MICU1: variants seen among roughly 807,000 people sequenced by gnomAD.
The protein encoded by MICU1 is mitochondrial calcium uptake 1.
MICU1 carries 45 observed loss-of-function variants against 56.8 expected under a neutral mutation model. The observed-to-expected ratio is 0.79, with a 90% CI of 0.62 to 1.02. The LOEUF (loss-of-function observed/expected upper bound fraction) is 1.02, where lower values mean the gene tolerates loss of function less well. Among genes scored for constraint, MICU1 ranks in the 50% least tolerant of loss-of-function variants. The pLI is 0.00. For missense variants in MICU1, 504 were observed against 587.1 expected (o/e 0.86, Z 1.46); for synonymous variants, 186 against 195.1 (o/e 0.95, Z 0.39).
At chr10:72,516,843 A>C (rs563364458) in intron 5 of MICU1, among the ~76,000 whole-genome samples, 5 of 152,258 alleles carry the variant, frequency 3.3e-5, no homozygotes, top group African/African-American at 1.2e-4. Context: ...AAAGGTCTAC[A>C]TTGTTCTTCC....
At chr10:72,508,081 A>C in intron 6 of MICU1, 74 bp downstream of exon 6, 1 of 663,016 alleles carries the variant, frequency 1.5e-6, no homozygotes, top group African/African-American at 1.8e-5. Flanking sequence ...GTCTTGTTTT[A>C]TAAACATATA....
chr10:72,477,667 A>C (rs1386774866), intron 6 of MICU1: 11 of 857,470 alleles, frequency 1.3e-5, no homozygotes, highest in Non-Finnish European at 1.8e-5. Context: ...GAAACACTAC[A>C]TCTTAGTCTT....
chr10:72,551,496 C>G (rs1022578818), intron 3 of MICU1, among the ~76,000 whole-genome samples, 155 bp from the exon 4 acceptor site: 1 of 152,066 alleles, frequency 6.6e-6, no homozygotes, highest in Non-Finnish European at 1.5e-5. Flanking sequence ...TTTAATATTA[C>G]AAATGAATAC....
At chr10:72,581,446 T>A (rs1378978791) in intron 1 of MICU1, among the ~76,000 whole-genome samples, 1 of 152,148 alleles carries the variant, frequency 6.6e-6, no homozygotes, top group East Asian at 1.9e-4. Flanking sequence ...CTGGCCAACA[T>A]GGTGAAACCC....
At chr10:72,527,362 T>TTTTTG (rs763008748) in intron 5 of MICU1, among the ~76,000 whole-genome samples, 1 of 139,034 alleles carries the variant, frequency 7.2e-6, no homozygotes, top group Non-Finnish European at 1.5e-5. Context: ...TTTTCTTTTG[T>TTTTTG]TTTTGTTTTG....
intron 1 of MICU1, among the ~76,000 whole-genome samples, chr10:72,625,088 G>A (rs1277807417): frequency 6.6e-6 from 1 of 151,978 alleles, no homozygotes; most frequent in African/African-American, 2.4e-5. Context: ...ACTTCCCTAC[G>A]TGCCCCAAAG....
At chr10:72,555,037 A>C (rs1840125877) in intron 3 of MICU1, among the ~76,000 whole-genome samples, 1 of 152,172 alleles carries the variant, frequency 6.6e-6, no homozygotes. Context: ...AACATACAAA[A>C]AAACCCAAAA....
chr10:72,460,041 C>A, intron 8 of MICU1, among the ~76,000 whole-genome samples: 1 of 152,138 alleles, frequency 6.6e-6, no homozygotes, highest in East Asian at 1.9e-4. Context: ...CTTTGTTAAT[C>A]CATACTTTAC....
In MICU1 at chr10:72,555,594, C is replaced by T. The variant is rs572246002; in HGVS notation, c.331-4253G>A. Among the ~76,000 whole-genome samples, 4 of 152,292 alleles carry T rather than the reference C, an allele frequency of 2.6e-5. No homozygotes were observed. In the East Asian group the frequency reaches 7.7e-4, roughly 29 times the overall value. On this transcript the variant is annotated intron_variant, in intron 3 of 11. Coordinates refer to ENST00000361114, the MANE Select transcript of MICU1 (RefSeq NM_001195518.2). ...ACTCAAACAATGCTTTAAAACTACT[C>T]CTGGGCTTGCTCTTTGAATGACACC...
At chr10:72,417,115 G>A (rs1160893185) in intron 9 of MICU1, among the ~76,000 whole-genome samples, 1 of 152,132 alleles carries the variant, frequency 6.6e-6, no homozygotes, top group Non-Finnish European at 1.5e-5. Flanking sequence ...AGAGTTCTTT[G>A]CATACATATT....
chr10:72,519,579 A>G (rs1867756233), intron 5 of MICU1, among the ~76,000 whole-genome samples: 1 of 152,200 alleles, frequency 6.6e-6, no homozygotes, highest in East Asian at 1.9e-4. Context: ...TTTCTGACCA[A>G]TCACATAAAC....
chr10:72,388,057 A>C (rs1380255557), intron 10 of MICU1, among the ~76,000 whole-genome samples: 1 of 152,198 alleles, frequency 6.6e-6, no homozygotes, highest in Non-Finnish European at 1.5e-5. Context: ...AATTTGTTCA[A>C]GGTCACAAAA....
chr10:72,470,120 T>C (rs1865906647), intron 8 of MICU1, among the ~76,000 whole-genome samples: 1 of 152,196 alleles, frequency 6.6e-6, no homozygotes, highest in Non-Finnish European at 1.5e-5. Flanking sequence ...ATTGCCCTGT[T>C]TTACAAATGA....
intron 6 of MICU1, among the ~76,000 whole-genome samples, chr10:72,500,491 T>A (rs553666088): frequency 1.3e-3 from 198 of 151,170 alleles, no homozygotes; most frequent in African/African-American, 4.6e-3. Flanking sequence ...CCAGGTAATT[T>A]TTGTATTTTT....
intron 1 of MICU1, among the ~76,000 whole-genome samples, chr10:72,589,080 G>C (rs1244815301): frequency 2.0e-5 from 3 of 152,184 alleles, no homozygotes; most frequent in African/African-American, 7.2e-5. Context: ...CTGAGGTCAG[G>C]AGTTTGAGAC....
chr10:72,564,400 G>A (rs958339655), intron 2 of MICU1, among the ~76,000 whole-genome samples: 4 of 152,052 alleles, frequency 2.6e-5, no homozygotes, highest in Admixed American at 2.6e-4. Flanking sequence ...AGTTAGCCGG[G>A]TGTGGTGGTG....
intron 1 of MICU1, among the ~76,000 whole-genome samples, chr10:72,608,488 G>GA (rs1841752801): frequency 6.6e-6 from 1 of 152,178 alleles, no homozygotes; most frequent in Non-Finnish European, 1.5e-5. Flanking sequence ...CACATGAAAA[G>GA]ATGCTCAACA....
chr10:72,597,886 G>T (rs918682271), intron 1 of MICU1, among the ~76,000 whole-genome samples: 1 of 152,146 alleles, frequency 6.6e-6, no homozygotes, highest in African/African-American at 2.4e-5. Context: ...ATGAGGTTAG[G>T]TGTGGCATTT....
At chr10:72,542,596 G>T (rs1449383278) in intron 4 of MICU1, among the ~76,000 whole-genome samples, 1 of 152,186 alleles carries the variant, frequency 6.6e-6, no homozygotes, top group Non-Finnish European at 1.5e-5. Flanking sequence ...TCTGGATGGG[G>T]GTGCCTGCAA....
Sources: allele counts gnomAD v4.1 joint callset (sites outside exome capture counted in the v4.1 genomes callset), GRCh38; gene constraint gnomAD v4.1.1; transcripts MANE v1.5; gene names NCBI Gene and HGNC (gene_info 2026-07-23, HGNC 2026-07-21).